The following RNF212 variants were observed in gnomAD, a reference collection of about 807,000 sequenced individuals.
RNF212 encodes the protein probable E3 SUMO-protein ligase RNF212.
Under a neutral mutation model 34.7 loss-of-function variants are expected in RNF212, and 33 were observed. The observed-to-expected ratio is 0.95, with a 90% CI of 0.72 to 1.27. The LOEUF (loss-of-function observed/expected upper bound fraction) is 1.27, where lower values mean the gene tolerates loss of function less well. RNF212 is among the 50% of genes most tolerant of loss of function. RNF212 has a pLI of 0.00. For missense variants in RNF212, 377 were observed against 362.2 expected, an observed-to-expected ratio of 1.04 and a Z score of -0.33; for synonymous variants, 140 against 136.1, an observed-to-expected ratio of 1.03 and a Z score of -0.20.
At chr4:1,093,835 C>T (rs1577753048) in intron 3 of RNF212, 9 of 1,536,150 alleles carry the variant, frequency 5.9e-6, no homozygotes, top group Middle Eastern at 1.7e-4. Flanking sequence ...TTCCCTGGGC[C>T]TCTGGCTGGC....
At chr4:1,081,135 T>C (rs1447207864) in intron 7 of RNF212, among the ~76,000 whole-genome samples, 2 of 152,214 alleles carry the variant, frequency 1.3e-5, no homozygotes, top group Admixed American at 1.3e-4. Flanking sequence ...GGAACGCCAG[T>C]TGAGCGGGGG....
At chr4:1,067,910 C>A (rs2153034230), downstream of RNF212, among the ~76,000 whole-genome samples, 1 of 150,066 alleles carries the variant, frequency 6.7e-6, no homozygotes. Context: ...GTAAGTCTAT[C>A]AAGAAAGTAC....
At chr4:1,067,720 C>T (rs140852359), downstream of RNF212, among the ~76,000 whole-genome samples, 640 of 152,034 alleles carry the variant, frequency 4.2e-3, 5 homozygotes, top group African/African-American at 0.014. Flanking sequence ...AAAAATTAGC[C>T]GGGTGAGGTG....
chr4:1,090,977 C>T (rs649243), intron 3 of RNF212, 139 bp from the exon 4 acceptor site: 72,994 of 607,044 alleles, frequency 0.12, 7,328 homozygotes, highest in African/African-American at 0.42. Context: ...CCCCCACAGA[C>T]GCCCATGGCC....
chr4:1,094,585 C>T (rs978717528), intron 3 of RNF212, among the ~76,000 whole-genome samples: 5 of 152,008 alleles, frequency 3.3e-5, no homozygotes, highest in African/African-American at 1.2e-4. Flanking sequence ...AGGATGGGGG[C>T]CCATGGGGCC....
rs662667 is a variant in RNF212, at chr4:1,096,697, T to G, written c.246+68A>C. On this transcript the variant is annotated intron_variant, in intron 3 of 9. Coordinates refer to ENST00000433731, the MANE Select transcript of RNF212 (RefSeq NM_001131034.4). ...ATCACAGAACCAAGCACACCCCTCA[T>G]AGCTCCATGGTCTCGGGATAGTGCA... 15 of 732,672 alleles carry G rather than the reference T, an allele frequency of 2.0e-5. 2 individuals carry two copies. In the African/African-American group the frequency reaches 5.4e-4, roughly 26 times the overall value. 45.4% of individuals were successfully genotyped at this position (732,672 alleles called of 1,614,324 possible).
At position 1,108,343 on chromosome 4, in the gene RNF212, A is replaced by G; in HGVS notation, c.171T>C (p.His57=). Residue 57 remains histidine (H), a splice_region_variant and synonymous_variant, in exon 2 of 10, where the codon CAT becomes CAC. Coordinates refer to ENST00000433731, the MANE Select transcript of RNF212 (RefSeq NM_001131034.4). ...GCAGATACGACACATTTCAACTTAC[A>G]TGCTTTGAAAGCAAAACTGTACGAC... ...APCRTVLLSK[H]TDADIQAFFM... is the part of the protein sequence containing the mutation. The G allele has an allele frequency of 4.0e-6, 6 of 1,503,144 alleles. No individual in the cohort carries two copies. Among genetic ancestry groups the G allele is most frequent in the African/African-American group, 1.5e-5 (1 of 68,484 alleles). 93.1% of individuals were successfully genotyped at this position (1,503,144 alleles called of 1,614,324 possible).
intron 2 of RNF212, chr4:1,099,649 T>G: frequency 2.3e-6 from 1 of 432,916 alleles, no homozygotes; most frequent in Non-Finnish European, 4.7e-6. Context: ...TTTTCGTATT[T>G]AATTTTTAAA....
rs1456166099 is a variant in RNF212, at chr4:1,073,171, G to C, written c.597C>G (p.Phe199Leu). Residue 199 changes from phenylalanine to leucine, a missense_variant, in exon 10 of 10, where the codon TTC becomes TTG. Coordinates refer to ENST00000433731, the MANE Select transcript of RNF212 (RefSeq NM_001131034.4). ...ACAAGGTCAACCATGGGATGAAACA[G>C]AAAGAAGCTGTTAGATGTGGCCCTG... ...GRMGPHLTAS[F>L]CFIPWLTLSK... 6.2e-7 allele frequency: 1 copy of C among 1,614,054 alleles called. No homozygotes were observed. Among genetic ancestry groups the C allele is most frequent in the African/African-American group, 1.3e-5 (1 of 75,032 alleles).
At chr4:1,103,260 C>T (rs964439237) in intron 2 of RNF212, among the ~76,000 whole-genome samples, 5 of 152,142 alleles carry the variant, frequency 3.3e-5, no homozygotes, top group Non-Finnish European at 5.9e-5. Flanking sequence ...AGTTTAAAAT[C>T]TTTGCACAAA....
downstream of RNF212, among the ~76,000 whole-genome samples, chr4:1,070,865 G>T (rs1316658935): frequency 6.6e-6 from 1 of 152,062 alleles, no homozygotes; most frequent in Admixed American, 6.5e-5. Context: ...GGACAAGGGA[G>T]ATGTTGGAGT....
intron 7 of RNF212, 44 bp downstream of exon 7, chr4:1,081,375 G>A (rs1390141857): frequency 1.3e-6 from 2 of 1,575,008 alleles, no homozygotes; most frequent in East Asian, 4.5e-5. Context: ...TGCAGAATCG[G>A]AAAGACCTGC....
At chr4:1,066,262 G>C (rs1261506490) in intron 3 of RNF212, among the ~76,000 whole-genome samples, 1 of 152,108 alleles carries the variant, frequency 6.6e-6, no homozygotes, top group African/African-American at 2.4e-5. Flanking sequence ...AACGATGAAC[G>C]ATGAGTATCT....
intron 8 of RNF212, among the ~76,000 whole-genome samples, chr4:1,079,120 CAGGACCAACAT>C (rs1159885640): frequency 1.1e-4 from 17 of 151,754 alleles, no homozygotes; most frequent in East Asian, 1.9e-4. Flanking sequence ...AGGGTCAACA[CAGGACCAACAT>C]AGGACCAACA....
At chr4:1,098,495 G>A (rs1723410417) in intron 2 of RNF212, among the ~76,000 whole-genome samples, 1 of 152,214 alleles carries the variant, frequency 6.6e-6, no homozygotes. Context: ...GAGCTCCTCT[G>A]TAACAGGGGG....
intron 2 of RNF212, 33 bp from the exon 3 acceptor site, chr4:1,096,872 G>C: frequency 4.7e-6 from 7 of 1,497,144 alleles, no homozygotes; most frequent in Non-Finnish European, 6.5e-6. Context: ...TACATTTATT[G>C]TGTCTAATAA....
chr4:1,093,481 C>A (rs763962729), intron 3 of RNF212: 1 of 1,461,400 alleles, frequency 6.8e-7, no homozygotes, highest in South Asian at 1.4e-5. Flanking sequence ...TTGTGATGCT[C>A]ACCTCCACAG....
chr4:1,093,119 C>G (rs934943883), intron 3 of RNF212, among the ~76,000 whole-genome samples: 2 of 152,116 alleles, frequency 1.3e-5, no homozygotes, highest in African/African-American at 4.8e-5. Flanking sequence ...GAAGGTGGAC[C>G]AGGGCAGGCA....
chr4:1,076,410 C>G (rs543752367), intron 8 of RNF212, among the ~76,000 whole-genome samples: 1 of 152,246 alleles, frequency 6.6e-6, no homozygotes, highest in East Asian at 1.9e-4. Context: ...GTGGCCCTCC[C>G]TCTGACGAGC....
Sources: gnomAD v4.1 joint callset for allele counts (sites outside exome capture counted in the v4.1 genomes callset) on GRCh38, gnomAD v4.1.1 for gene constraint, MANE v1.5 for transcripts, NCBI Gene and HGNC (gene_info 2026-07-23, HGNC 2026-07-21) for gene names.